KIRREL3: variants seen among roughly 807,000 people sequenced by gnomAD.
KIRREL3 encodes kin of IRRE-like protein 3.
KIRREL3 carries 36 observed loss-of-function variants against 89.7 expected under a neutral mutation model. The ratio of observed to expected loss-of-function variants is 0.40; its 90% CI spans 0.31 to 0.53. The LOEUF is 0.53. Among genes scored for constraint, KIRREL3 ranks in the 20% least tolerant of loss-of-function variants. The probability of loss-of-function intolerance (pLI) is 0.49; values close to 1 mark genes in which losing one functional copy is unlikely to be tolerated. For missense variants in KIRREL3, 864 were observed against 1,056.6 expected, an observed-to-expected ratio of 0.82 and a Z score of 2.53; for synonymous variants, 445 against 441.4, an observed-to-expected ratio of 1.01 and a Z score of -0.10.
rs573210498 is a variant in KIRREL3, at chr11:126,728,296, G to A, written c.56-165384C>T. The stretch of plus-strand genomic sequence containing the variant: ...AGCTTTCCCATCTGCAGACCAGGGA[G>A]AAATATCACCTACCTGGTGGGGTGT... On this transcript the variant is annotated intron_variant, in intron 1 of 16. Transcript: ENST00000525144. 2.0e-5 allele frequency among the ~76,000 whole-genome samples: 3 copies of A among 152,296 alleles called. No individual in the cohort carries two copies. In the South Asian group the frequency reaches 6.2e-4, roughly 32 times the overall value.
rs955037114 is a variant in KIRREL3 at position 126,843,672 on chromosome 11, C to T, written c.55+156783G>A. Among the ~76,000 whole-genome samples, 3 of 152,082 alleles carry T rather than the reference C, an allele frequency of 2.0e-5. No individual in the cohort carries two copies. Among genetic ancestry groups the T allele is most frequent in the African/African-American group, 7.2e-5 (3 of 41,404 alleles). ...ACTTATTTAGCCTTAAAATAATTTT[C>T]CCAGTAAGTTAATCACAGAATGAGA... On this transcript the variant is annotated intron_variant, in intron 1 of 16. Coordinates refer to ENST00000525144, the MANE Select transcript of KIRREL3 (RefSeq NM_032531.4). This position sits in a 1 kb window ranked among gnomAD's most constrained non-coding sequence, Gnocchi z 4.6.
chr11:126,753,393 T>A (rs891435167), intron 1 of KIRREL3, among the ~76,000 whole-genome samples: 3 of 152,190 alleles, frequency 2.0e-5, no homozygotes, highest in African/African-American at 7.2e-5. Context: ...CCTGCACTAC[T>A]GGGATGTAGA....
chr11:126,813,837 C>T (rs1178065967), intron 1 of KIRREL3, among the ~76,000 whole-genome samples: 2 of 150,974 alleles, frequency 1.3e-5, no homozygotes, highest in Non-Finnish European at 2.9e-5. Context: ...CAATACCATT[C>T]AGAACATAGG....
chr11:126,804,954 G>A (rs1019948562), intron 1 of KIRREL3, among the ~76,000 whole-genome samples: 2 of 152,230 alleles, frequency 1.3e-5, no homozygotes, highest in South Asian at 4.2e-4. Context: ...GGGTGGATGA[G>A]GTCGGCTCCA....
chr11:126,569,811 G>A lies in KIRREL3; in HGVS notation c.56-6899C>T, dbSNP rs1940789059. Among the ~76,000 whole-genome samples the A allele has an allele frequency of 6.6e-6, 1 of 152,054 alleles. No homozygotes were observed. Among genetic ancestry groups the A allele is most frequent in the Non-Finnish European group, 1.5e-5 (1 of 68,018 alleles). On this transcript the variant is annotated intron_variant, in intron 1 of 16. Coordinates refer to ENST00000525144, the MANE Select transcript of KIRREL3 (RefSeq NM_032531.4). This position sits in a 1 kb window ranked among gnomAD's most constrained non-coding sequence, Gnocchi z 6.5. ...TCTTAGTTTTGGATGTCTACCAATGGCCCTCTCATTGGTTTTTGTCTATCA... is the reference window on the plus strand; with the variant it reads ...TCTTAGTTTTGGATGTCTACCAATGACCCTCTCATTGGTTTTTGTCTATCA...
Position 126,509,022 on chromosome 11 carries a change from C to T in KIRREL3, c.433+12293G>A, listed in dbSNP as rs180905190. On this transcript the variant is annotated intron_variant, in intron 4 of 16. Transcript: ENST00000525144. The stretch of plus-strand genomic sequence containing the variant: ...TGGGGCACATGCAGGGTGCAGCTCC[C>T]GGAGTCTGGGACCATCAGGACCTCT... Among the ~76,000 whole-genome samples the T allele has an allele frequency of 5.7e-4, 87 of 152,302 alleles. 1 individual carries two copies. Among genetic ancestry groups the T allele is most frequent in the African/African-American group, 1.4e-3 (57 of 41,550 alleles).
At chr11:126,662,520 C>T (rs1945453395) in intron 1 of KIRREL3, among the ~76,000 whole-genome samples, 1 of 152,160 alleles carries the variant, frequency 6.6e-6, no homozygotes, top group South Asian at 2.1e-4. Flanking sequence ...GGCCTTCTTG[C>T]TGCATCCTTA....
At chr11:126,849,829 C>T (rs994323961) in intron 1 of KIRREL3, among the ~76,000 whole-genome samples, 7 of 152,120 alleles carry the variant, frequency 4.6e-5, no homozygotes, top group Admixed American at 6.5e-5. Context: ...GGTGCCTGGA[C>T]GCACGTTCAC....
chr11:126,954,231 T>C lies in KIRREL3; in HGVS notation c.55+46224A>G, dbSNP rs987533905. On this transcript the variant is annotated intron_variant, in intron 1 of 16. Transcript: ENST00000525144. This position sits in a 1 kb window ranked among gnomAD's most constrained non-coding sequence, Gnocchi z 4.1. ...AGCTGCTGCCTGGACTCAAGGATTA[T>C]AGAGGAATTCTGGGAAGCTTTCATC... Among the ~76,000 whole-genome samples the C allele has an allele frequency of 6.6e-6, 1 of 151,282 alleles. No individual in the cohort carries two copies. Among genetic ancestry groups the C allele is most frequent in the Non-Finnish European group, 1.5e-5 (1 of 67,908 alleles).
At position 126,530,452 on chromosome 11, in the gene KIRREL3, T is replaced by G. The variant is rs1958906367; in HGVS notation, c.134-3765A>C. Among the ~76,000 whole-genome samples the G allele has an allele frequency of 1.3e-5, 2 of 152,162 alleles. No individual in the cohort carries two copies. Among genetic ancestry groups the G allele is most frequent in the Admixed American group, 6.5e-5 (1 of 15,280 alleles). ...AAGTGAAATGCAAGTGAGCCCAAGG[T>G]CATTTTCTGCAGCCTCCTGGATAGT... On this transcript the variant is annotated intron_variant, in intron 2 of 16. Transcript: ENST00000525144. The surrounding 1 kb of genome is among the most constrained non-coding windows in gnomAD (Gnocchi z 5.8).
rs1021212400 is a variant in KIRREL3, at chr11:126,860,370, T to C, written c.55+140085A>G. Among the ~76,000 whole-genome samples the C allele has an allele frequency of 6.6e-6, 1 of 152,182 alleles. No homozygotes were observed. The highest frequency in any genetic ancestry group is 1.5e-5 in the Non-Finnish European group (1 of 68,038). ...ACAGAGAAGGTTGCCTTTATTTATG[T>C]TTCAGGCAGAAAAGCTGGGAAAGTT... On this transcript the variant is annotated intron_variant, in intron 1 of 16. Transcript: ENST00000525144. The surrounding 1 kb of genome is among the most constrained non-coding windows in gnomAD (Gnocchi z 4.6).
rs911476871 is a variant in KIRREL3 at position 126,652,395 on chromosome 11, G to A, written c.56-89483C>T. On this transcript the variant is annotated intron_variant, in intron 1 of 16. Coordinates refer to ENST00000525144, the MANE Select transcript of KIRREL3 (RefSeq NM_032531.4). The surrounding 1 kb of genome is among the most constrained non-coding windows in gnomAD (Gnocchi z 4.9). ...GCCAAGCCTGCCTAGGGAGTCTATCGTGGTAGGAACAAGAGCTACCATGCC... is the reference window on the plus strand; with the variant it reads ...GCCAAGCCTGCCTAGGGAGTCTATCATGGTAGGAACAAGAGCTACCATGCC... Among the ~76,000 whole-genome samples, 2 of 152,162 alleles carry A rather than the reference G, an allele frequency of 1.3e-5. No individual in the cohort carries two copies. Among genetic ancestry groups the A allele is most frequent in the Admixed American group, 6.5e-5 (1 of 15,282 alleles).
chr11:126,833,692 G>A (rs939362578), intron 1 of KIRREL3, among the ~76,000 whole-genome samples: 6 of 152,218 alleles, frequency 3.9e-5, no homozygotes, highest in African/African-American at 1.4e-4. Context: ...CATGTCTCCA[G>A]GTAGGCAGAC....
rs1393117279 is a variant in KIRREL3 at position 126,729,702 on chromosome 11, T to C, written c.56-166790A>G. ...TAGATACTCATGGGGCCCCGGGCAC[T>C]CCACTGGACAGGTGAAAAGCTCACA... On this transcript the variant is annotated intron_variant, in intron 1 of 16. Transcript: ENST00000525144. This position sits in a 1 kb window ranked among gnomAD's most constrained non-coding sequence, Gnocchi z 4.5. Among the ~76,000 whole-genome samples, 2 of 152,160 alleles carry C rather than the reference T, an allele frequency of 1.3e-5. No homozygotes were observed. The highest frequency in any genetic ancestry group is 2.9e-5 in the Non-Finnish European group (2 of 68,026).
intron 1 of KIRREL3, among the ~76,000 whole-genome samples, chr11:126,592,247 T>C (rs1226040133): frequency 6.6e-6 from 1 of 152,182 alleles, no homozygotes; most frequent in African/African-American, 2.4e-5. Flanking sequence ...AACAACACAA[T>C]ACTATAAAGG....
intron 1 of KIRREL3, among the ~76,000 whole-genome samples, chr11:126,974,423 C>G (rs1949512602): frequency 6.6e-6 from 1 of 151,822 alleles, no homozygotes; most frequent in Non-Finnish European, 1.5e-5. Flanking sequence ...CTATTACACA[C>G]CTAGGCTACA....
At chr11:126,591,289 G>A (rs1441826015) in intron 1 of KIRREL3, among the ~76,000 whole-genome samples, 3 of 152,182 alleles carry the variant, frequency 2.0e-5, no homozygotes, top group East Asian at 1.9e-4. Flanking sequence ...AACATCTAAC[G>A]ACTGGCTGGA....
intron 4 of KIRREL3, among the ~76,000 whole-genome samples, chr11:126,504,752 T>G (rs1300490929): frequency 6.6e-6 from 1 of 152,168 alleles, no homozygotes; most frequent in African/African-American, 2.4e-5. Context: ...ATAAAAACCC[T>G]TTAAGATATT....
chr11:126,563,495 G>T lies in KIRREL3; in HGVS notation c.56-583C>A, dbSNP rs1266913119. Among the ~76,000 whole-genome samples, 3 of 152,158 alleles carry T rather than the reference G, an allele frequency of 2.0e-5. No individual in the cohort carries two copies. The highest frequency in any genetic ancestry group is 1.3e-4 in the Admixed American group (2 of 15,270). The stretch of plus-strand genomic sequence containing the variant: ...GAGCTCTCTCTACCTTTTGGAGAGG[G>T]TGCGTTTCTGGTGCTAGAGATTCCT... On this transcript the variant is annotated intron_variant, in intron 1 of 16. Transcript: ENST00000525144. The surrounding 1 kb of genome is among the most constrained non-coding windows in gnomAD (Gnocchi z 6.8).
Sources: allele counts gnomAD v4.1 joint callset (sites outside exome capture counted in the v4.1 genomes callset), GRCh38; gene constraint gnomAD v4.1.1; non-coding constraint Gnocchi (gnomAD v3.1); transcripts MANE v1.5; gene names NCBI Gene and HGNC (gene_info 2026-07-23, HGNC 2026-07-21).